The following ARHGAP8 variants were observed in gnomAD, a reference collection of about 807,000 sequenced individuals.
ARHGAP8 encodes rho GTPase-activating protein 8.
A neutral mutation model predicts 46.1 loss-of-function variants in ARHGAP8; 62 were observed. The ratio of observed to expected loss-of-function variants is 1.34; its 90% CI spans 1.10 to 1.66. The LOEUF (loss-of-function observed/expected upper bound fraction) is 1.66, where lower values mean the gene tolerates loss of function less well. Among genes scored for constraint, ARHGAP8 ranks in the 40% most tolerant of loss-of-function variants. The probability of loss-of-function intolerance (pLI) is 0.00; values close to 1 mark genes in which losing one functional copy is unlikely to be tolerated. For missense variants in ARHGAP8, 923 were observed against 568.4 expected (o/e 1.62, Z -6.34); for synonymous variants, 375 against 243.1 (o/e 1.54, Z -5.05).
At chr22:44,833,105 T>C (rs1291408686) in intron 7 of ARHGAP8, among the ~76,000 whole-genome samples, 1 of 147,046 alleles carries the variant, frequency 6.8e-6, no homozygotes. Flanking sequence ...TCTTTTTTTT[T>C]TTTTTTTTTG....
At chr22:44,836,323 C>T (rs934337112) in intron 7 of ARHGAP8, among the ~76,000 whole-genome samples, 1 of 151,922 alleles carries the variant, frequency 6.6e-6, no homozygotes, top group African/African-American at 2.4e-5. Context: ...GCCTCAGCCT[C>T]CTGAGTAGCT....
intron 1 of ARHGAP8, among the ~76,000 whole-genome samples, chr22:44,761,214 C>T (rs905035895): frequency 6.6e-6 from 1 of 152,196 alleles, no homozygotes; most frequent in African/African-American, 2.4e-5. Flanking sequence ...TAAGTGCCAT[C>T]AGCCCTCCGT....
intron 1 of ARHGAP8, among the ~76,000 whole-genome samples, chr22:44,762,623 A>G (rs1925223805): frequency 1.4e-5 from 2 of 146,740 alleles, no homozygotes; most frequent in South Asian, 4.3e-4. Flanking sequence ...GGCTCACTGC[A>G]GCGTCCACCT....
At chr22:44,765,436 G>C (rs529553812) in intron 1 of ARHGAP8, 16 of 152,570 alleles carry the variant, frequency 1.0e-4, no homozygotes, top group African/African-American at 3.9e-4. Flanking sequence ...TGAGGGCCGG[G>C]TTTCCTGGCC....
intron 2 of ARHGAP8, among the ~76,000 whole-genome samples, chr22:44,798,196 G>T (rs762061382): frequency 6.6e-6 from 1 of 151,296 alleles, no homozygotes; most frequent in Non-Finnish European, 1.5e-5. Context: ...GGCTGGTCTC[G>T]AACTCCTCAC....
chr22:44,779,749 A>G (rs1167849512), intron 1 of ARHGAP8, among the ~76,000 whole-genome samples: 1 of 151,614 alleles, frequency 6.6e-6, no homozygotes, highest in Admixed American at 6.6e-5. Context: ...TTGTATTTTT[A>G]GTAGAGATGG....
rs762067411 is a variant in ARHGAP8, at chr22:44,848,933, G to A, written c.750G>A (p.Gly250=). 1.9e-6 allele frequency: 3 copies of A among 1,614,126 alleles called. No individual in the cohort carries two copies. Among genetic ancestry groups the A allele is most frequent in the East Asian group, 2.2e-5 (1 of 44,882 alleles). The stretch of plus-strand genomic sequence containing the variant: ...AGCAGTGCTGTGTTGTGTGTGCAGG[G>A]AAGCCCGTGAACTTTGACGACTACG... ...VREIQRLYNQ[G]KPVNFDDYGD... Residue 250 remains glycine, a splice_region_variant and synonymous_variant, in exon 10 of 12, where the codon GGG becomes GGA. Coordinates refer to ENST00000356099, the MANE Select transcript of ARHGAP8 (RefSeq NM_181335.3).
chr22:44,825,714 A>G (rs1369903300), intron 7 of ARHGAP8, 121 bp downstream of exon 7: 10 of 1,217,736 alleles, frequency 8.2e-6, no homozygotes, highest in African/African-American at 1.5e-5. Context: ...TGAACCCTGC[A>G]GGAAAGATAA....
chr22:44,771,270 G>A (rs5765970), intron 1 of ARHGAP8, among the ~76,000 whole-genome samples: 44,266 of 129,448 alleles, frequency 0.34, 8,465 homozygotes, highest in East Asian at 0.74. Context: ...TTTTTGAGAC[G>A]GATTCTTGCT....
chr22:44,787,323 TTGTTTTGTTTTG>T (rs894816681), intron 2 of ARHGAP8, among the ~76,000 whole-genome samples: 37 of 10,942 alleles, frequency 3.4e-3, no homozygotes, highest in African/African-American at 0.016. Flanking sequence ...TTGCGTTGCT[TTGTTTTGTTTTG>T]TTTTGTTTTG....
In ARHGAP8 at chr22:44,847,371, A is replaced by G. The variant is rs562897616; in HGVS notation, c.671-602A>G. Among the ~76,000 whole-genome samples, 4 of 152,378 alleles carry G rather than the reference A, an allele frequency of 2.6e-5. No individual in the cohort carries two copies. In the East Asian group the frequency reaches 7.7e-4, roughly 29 times the overall value. On this transcript the variant is annotated intron_variant, in intron 8 of 11. Coordinates refer to ENST00000356099, the MANE Select transcript of ARHGAP8 (RefSeq NM_181335.3). The stretch of plus-strand genomic sequence containing the variant: ...CAGAATTGCCCAACTGAACTTGGAC[A>G]TCATCTATATCTTCACTGTCTAAAC...
intron 3 of ARHGAP8, among the ~76,000 whole-genome samples, chr22:44,803,837 CTT>C (rs1275913435): frequency 1.3e-5 from 2 of 149,176 alleles, no homozygotes; most frequent in African/African-American, 2.5e-5. Flanking sequence ...ACACACACCT[CTT>C]GTGCACACGC....
At chr22:44,802,213 T>A in intron 3 of ARHGAP8, 49 bp downstream of exon 3, 1 of 1,605,280 alleles carries the variant, frequency 6.2e-7, no homozygotes, top group South Asian at 1.1e-5. Context: ...CCATGTTGCT[T>A]GTCCCCATCC....
intron 1 of ARHGAP8, among the ~76,000 whole-genome samples, chr22:44,754,427 C>G (rs1924508388): frequency 6.6e-6 from 1 of 151,888 alleles, no homozygotes; most frequent in Non-Finnish European, 1.5e-5. Context: ...ACGATCTCAG[C>G]TCACTGCAAC....
chr22:44,777,099 C>G (rs1468683433), intron 1 of ARHGAP8: 1 of 152,234 alleles, frequency 6.6e-6, no homozygotes, highest in Non-Finnish European at 1.5e-5. Context: ...CTGTGTCTCC[C>G]TAGCACGTGT....
chr22:44,813,372 C>T (rs1249474963), intron 4 of ARHGAP8, among the ~76,000 whole-genome samples: 1 of 147,898 alleles, frequency 6.8e-6, no homozygotes, highest in Non-Finnish European at 1.5e-5. Flanking sequence ...CCTACATACA[C>T]ACATACCCAC....
At chr22:44,782,280 T>G (rs905350624) in intron 1 of ARHGAP8, among the ~76,000 whole-genome samples, 1 of 152,082 alleles carries the variant, frequency 6.6e-6, no homozygotes, top group South Asian at 2.1e-4. Context: ...GAGATTACAG[T>G]GAGCCAAGAT....
chr22:44,754,338 T>TTGTGTGTGTGTGTGTGTGTGTGTGTGTG (rs35257490), intron 1 of ARHGAP8, among the ~76,000 whole-genome samples: 1 of 146,528 alleles, frequency 6.8e-6, no homozygotes, highest in African/African-American at 2.6e-5. Context: ...CATTGAAACT[T>TTGTGTGTGTGTGTGTGTGTGTGTGTGTG]TGTGTGTGTG....
Position 44,851,342 on chromosome 22 carries a change from A to G in ARHGAP8, c.877+2282A>G, listed in dbSNP as rs192865601. 3.7e-3 allele frequency among the ~76,000 whole-genome samples: 556 copies of G among 152,314 alleles called. 8 individuals are homozygous for G. The highest frequency in any genetic ancestry group is 0.012 in the African/African-American group (510 of 41,568). ...ACAAAAGACAGATTCACACGAGAAAAGCATGCCAGTTTATTTAATGTAAGT... is the reference window on the plus strand; with the variant it reads ...ACAAAAGACAGATTCACACGAGAAAGGCATGCCAGTTTATTTAATGTAAGT... On this transcript the variant is annotated intron_variant, in intron 10 of 11. Coordinates refer to ENST00000356099, the MANE Select transcript of ARHGAP8 (RefSeq NM_181335.3).
Sources: gnomAD v4.1 joint callset for allele counts (sites outside exome capture counted in the v4.1 genomes callset) on GRCh38, gnomAD v4.1.1 for gene constraint, MANE v1.5 for transcripts, NCBI Gene and HGNC (gene_info 2026-07-23, HGNC 2026-07-21) for gene names.